Variants in ADGRB3 observed in about 807,000 individuals in gnomAD.
ADGRB3 encodes the protein adhesion G protein-coupled receptor B3.
A neutral mutation model predicts 193.4 loss-of-function variants in ADGRB3; 37 were observed. That is an observed-to-expected ratio of 0.19 (90% confidence interval 0.15 to 0.25). ADGRB3 has a LOEUF of 0.25. Ranked by LOEUF, ADGRB3 falls within the 10% of genes least tolerant of loss-of-function variation. ADGRB3 has a pLI of 1.00. For synonymous variants in ADGRB3, 690 were observed against 644.2 expected (o/e 1.07, Z -1.08); for missense variants, 1,637 against 1,852.9 (o/e 0.88, Z 2.14).
intron 17 of ADGRB3, among the ~76,000 whole-genome samples, chr6:69,081,407 T>A (rs1249420356): frequency 6.6e-6 from 1 of 152,018 alleles, no homozygotes; most frequent in Non-Finnish European, 1.5e-5. Flanking sequence ...TTCAAATTTA[T>A]TGTGGATAAA....
chr6:69,106,109 A>C (rs991240460), intron 17 of ADGRB3, among the ~76,000 whole-genome samples: 1 of 139,504 alleles, frequency 7.2e-6, no homozygotes, highest in East Asian at 2.7e-4. Context: ...CAATGAGCTG[A>C]GATCGTGCCA....
At chr6:69,314,882 G>A (rs978309918) in intron 20 of ADGRB3, among the ~76,000 whole-genome samples, 8 of 151,470 alleles carry the variant, frequency 5.3e-5, no homozygotes, top group Admixed American at 1.3e-4. Flanking sequence ...TCTTCACAAT[G>A]CCTATTGGTT....
chr6:68,883,478 C>G (rs917499490), intron 3 of ADGRB3, among the ~76,000 whole-genome samples: 1 of 152,186 alleles, frequency 6.6e-6, no homozygotes, highest in Admixed American at 6.5e-5. Flanking sequence ...AATCTTGTTG[C>G]TTCTCGCTCA....
intron 20 of ADGRB3, among the ~76,000 whole-genome samples, chr6:69,294,265 A>G (rs1349736623): frequency 6.6e-6 from 1 of 152,054 alleles, no homozygotes; most frequent in Non-Finnish European, 1.5e-5. Context: ...AAGCTCTATT[A>G]CAAAGATAGA....
intron 29 of ADGRB3, among the ~76,000 whole-genome samples, chr6:69,371,427 G>A (rs538521639): frequency 1.3e-5 from 2 of 152,152 alleles, no homozygotes; most frequent in East Asian, 1.9e-4. Flanking sequence ...GTTTGTAGGT[G>A]TTGGGATGGG....
intron 20 of ADGRB3, among the ~76,000 whole-genome samples, chr6:69,244,632 A>C (rs139224927): frequency 2.0e-5 from 3 of 152,100 alleles, no homozygotes. Flanking sequence ...AGTGTTCTAC[A>C]TGCTTCTTTG....
chr6:69,232,416 G>T, intron 17 of ADGRB3: 3 of 1,464,524 alleles, frequency 2.0e-6, no homozygotes, highest in Non-Finnish European at 2.7e-6. Context: ...ATATGCTTTA[G>T]CATTTTAAAT....
intron 16 of ADGRB3, among the ~76,000 whole-genome samples, chr6:69,063,831 A>G (rs1418825531): frequency 6.6e-6 from 1 of 152,032 alleles, no homozygotes; most frequent in East Asian, 1.9e-4. Context: ...TACTTAAATC[A>G]TTGAAGTGGA....
chr6:68,651,029 C>A (rs1051905263), intron 3 of ADGRB3, among the ~76,000 whole-genome samples: 2 of 152,124 alleles, frequency 1.3e-5, no homozygotes, highest in Non-Finnish European at 2.9e-5. Flanking sequence ...AGACAAAAAT[C>A]TGTTTACTTT....
chr6:68,825,899 C>G (rs1767834762), intron 3 of ADGRB3, among the ~76,000 whole-genome samples: 1 of 152,156 alleles, frequency 6.6e-6, no homozygotes, highest in Non-Finnish European at 1.5e-5. Flanking sequence ...CAGCAGCTCT[C>G]TACAGCAGTG....
At chr6:68,975,470 G>A in intron 10 of ADGRB3, 130 bp downstream of exon 10, 4 of 673,842 alleles carry the variant, frequency 5.9e-6, no homozygotes, top group South Asian at 2.6e-5. Flanking sequence ...GAAGGAGAAA[G>A]CAATGTGATA....
At chr6:69,039,975 C>T (rs945505531) in intron 13 of ADGRB3, among the ~76,000 whole-genome samples, 5 of 152,044 alleles carry the variant, frequency 3.3e-5, no homozygotes, top group Middle Eastern at 6.8e-3. Context: ...CTCCTGACAT[C>T]GTGATCCGCC....
intron 3 of ADGRB3, among the ~76,000 whole-genome samples, chr6:68,743,897 A>C (rs1766030314): frequency 6.6e-6 from 1 of 151,846 alleles, no homozygotes; most frequent in African/African-American, 2.4e-5. Context: ...ACTGCTTAGA[A>C]ACTGCTGGTG....
intron 17 of ADGRB3, among the ~76,000 whole-genome samples, chr6:69,192,014 C>T (rs940654595): frequency 1.3e-5 from 2 of 152,060 alleles, no homozygotes; most frequent in Admixed American, 1.3e-4. Context: ...AATTGTTACC[C>T]TTAATCTTTA....
chr6:69,081,817 C>A (rs966207355), intron 17 of ADGRB3, among the ~76,000 whole-genome samples: 3 of 152,036 alleles, frequency 2.0e-5, no homozygotes, highest in African/African-American at 7.2e-5. Flanking sequence ...ATAACGTTTA[C>A]ATAAATGCTT....
chr6:68,810,560 G>A (rs544396284), intron 3 of ADGRB3, among the ~76,000 whole-genome samples: 1 of 152,272 alleles, frequency 6.6e-6, no homozygotes, highest in East Asian at 1.9e-4. Context: ...GGAAGTCAAC[G>A]GATCTTTCCA....
At chr6:69,356,037 A>G (rs987787005) in intron 28 of ADGRB3, among the ~76,000 whole-genome samples, 177 bp downstream of exon 28, 1 of 152,182 alleles carries the variant, frequency 6.6e-6, no homozygotes, top group Admixed American at 6.6e-5. Flanking sequence ...ACGAGGCAGA[A>G]AAATCCAGTT....
rs532390770 is a variant in ADGRB3 at position 68,662,281 on chromosome 6, A to G, written c.757+22849A>G. Reference sequence around the variant, plus strand: ...TTTAGTGCTTACTAATTTTGGGGAAAATATGAAACCATTGGAGAGGGGAGT... The same window carrying G: ...TTTAGTGCTTACTAATTTTGGGGAAGATATGAAACCATTGGAGAGGGGAGT... On this transcript the variant is annotated intron_variant, in intron 3 of 31. Transcript: ENST00000370598. Among the ~76,000 whole-genome samples, 21 of 151,766 alleles carry G rather than the reference A, an allele frequency of 1.4e-4. No individual in the cohort carries two copies. The South Asian group carries it at 3.9e-3, about 28-fold the overall frequency.
chr6:68,837,510 G>A (rs79721332), intron 3 of ADGRB3, among the ~76,000 whole-genome samples: 13,766 of 152,100 alleles, frequency 0.091, 830 homozygotes, highest in Non-Finnish European at 0.13. Flanking sequence ...ATAGATAAAT[G>A]TAAAGATTTC....
Sources: gnomAD v4.1 joint callset for allele counts (sites outside exome capture counted in the v4.1 genomes callset) on GRCh38, gnomAD v4.1.1 for gene constraint, MANE v1.5 for transcripts, NCBI Gene and HGNC (gene_info 2026-07-23, HGNC 2026-07-21) for gene names.